The following KNOP1 variants were observed in gnomAD, a reference collection of about 807,000 sequenced individuals.
KNOP1 encodes the protein lysine rich nucleolar protein 1, also known as lysine-rich nucleolar protein 1.
A neutral mutation model predicts 30.6 loss-of-function variants in KNOP1; 20 were observed. The observed-to-expected ratio is 0.65, with a 90% CI of 0.46 to 0.95. KNOP1 has a LOEUF of 0.95. Ranked by LOEUF, KNOP1 falls within the 40% of genes least tolerant of loss-of-function variation. The pLI is 0.00. For missense variants in KNOP1, 540 were observed against 562.0 expected (o/e 0.96, Z 0.40); for synonymous variants, 204 against 210.0 (o/e 0.97, Z 0.25).
At position 19,718,170 on chromosome 16, in the gene KNOP1, T is replaced by A; in HGVS notation, c.-15A>T. On this transcript the variant is annotated 5_prime_UTR_variant, in exon 1 of 5. Transcript: ENST00000219837. Reference sequence around the variant, plus strand: ...CCCTGGCACTCACCGGTGGGCGAAATTTCCCCGCCTCCACGTGAGAGCCAG... The same window carrying A: ...CCCTGGCACTCACCGGTGGGCGAAAATTCCCCGCCTCCACGTGAGAGCCAG... 6.8e-7 allele frequency: 1 copy of A among 1,478,290 alleles called. No homozygotes were observed. Among genetic ancestry groups the A allele is most frequent in the Non-Finnish European group, 8.9e-7 (1 of 1,119,134 alleles). 91.6% of individuals were successfully genotyped at this position (1,478,290 alleles called of 1,614,324 possible).
At position 19,710,510 on chromosome 16, in the gene KNOP1, G is replaced by A. The variant is rs757928834; in HGVS notation, c.1064C>T (p.Thr355Met). The change falls in exon 4 of 5, where the codon ACG (threonine) becomes ATG (methionine). Residue 355 changes from threonine to methionine, a missense_variant and splice_region_variant. Coordinates refer to ENST00000219837, the MANE Select transcript of KNOP1 (RefSeq NM_001012991.3). ...KTEASETRKW[T>M]GTQFGQWDTA... is the part of the protein sequence containing the mutation. ...GCAGAGCCCTAGCCCCAAACTTACC[G>A]TCCACTTCCTGGTTTCAGAAGCTTC... 2.2e-5 allele frequency: 36 copies of A among 1,612,944 alleles called. No homozygotes were observed. Among genetic ancestry groups the A allele is most frequent in the Admixed American group, 5.0e-5 (3 of 60,000 alleles).
rs769245565 is a variant in KNOP1, at chr16:19,714,328, C to T, written c.708G>A (p.Glu236=). The part of the protein sequence containing the change: ...PGHSKPSRSM[E]SSPRKGSKKK... ...TTTTACTTCCTTTCCTAGGGCTGCT[C>T]TCCATGGACCTGGAGGGCTTGGAGT... Residue 236 remains glutamate, a synonymous_variant, in exon 2 of 5, where the codon GAG becomes GAA. Coordinates refer to ENST00000219837, the MANE Select transcript of KNOP1 (RefSeq NM_001012991.3). 1.1e-5 allele frequency: 17 copies of T among 1,613,922 alleles called. No individual in the cohort carries two copies. The highest frequency in any genetic ancestry group is 1.4e-5 in the Non-Finnish European group (16 of 1,179,990).
At chr16:19,712,434 T>C (rs181954341) in intron 2 of KNOP1, among the ~76,000 whole-genome samples, 11 of 152,242 alleles carry the variant, frequency 7.2e-5, no homozygotes, top group Admixed American at 6.5e-4. Flanking sequence ...AATGGAAAGA[T>C]GGTCATTTCT....
rs753427817 is a variant in KNOP1 at position 19,714,159 on chromosome 16, T to A, written c.877A>T (p.Lys293Ter). Reference sequence around the variant, plus strand: ...CCTGCTACCCCACTCTCTTTCCTCTTCTTCTTTTTCTTCCTTTTCAGAGCT... The same window carrying A: ...CCTGCTACCCCACTCTCTTTCCTCTACTTCTTTTTCTTCCTTTTCAGAGCT... Reference protein sequence around the residue: ...EPALKRKKKKKRKESGVAGDP... With the variant: ...EPALKRKKKK The change falls in exon 2 of 5, where the codon AAG becomes TAG. Residue 293 changes from lysine to a stop codon, truncating the protein, a stop_gained. Transcript: ENST00000219837. LOFTEE classifies it high-confidence loss of function. 1.2e-6 allele frequency: 2 copies of A among 1,613,198 alleles called. No individual in the cohort carries two copies. Among genetic ancestry groups the A allele is most frequent in the African/African-American group, 2.7e-5 (2 of 74,694 alleles).
intron 1 of KNOP1, chr16:19,717,333 AAAG>A (rs1390523450): frequency 4.1e-6 from 4 of 985,390 alleles, no homozygotes; most frequent in Admixed American, 6.2e-5. Flanking sequence ...AGGAGCTTGC[AAAG>A]AAGAAGGTGC....
chr16:19,710,466 C>T (rs1432755547), intron 4 of KNOP1, 43 bp downstream of exon 4: 1 of 1,598,946 alleles, frequency 6.3e-7, no homozygotes, highest in Admixed American at 1.7e-5. Context: ...CGTCGGGAGG[C>T]CGAGCGTGCC....
Position 19,718,171 on chromosome 16 carries a change from T to C in KNOP1, c.-16A>G. 1.4e-6 allele frequency: 2 copies of C among 1,478,952 alleles called. No individual in the cohort carries two copies. The highest frequency in any genetic ancestry group is 2.7e-5 in the South Asian group (2 of 73,700). 91.6% of individuals were successfully genotyped at this position (1,478,952 alleles called of 1,614,324 possible). A position where few individuals can be genotyped will look rare whatever the true frequency, so the allele number is the denominator to read the frequency against. On this transcript the variant is annotated 5_prime_UTR_variant, in exon 1 of 5. Coordinates refer to ENST00000219837, the MANE Select transcript of KNOP1 (RefSeq NM_001012991.3). Reference sequence around the variant, plus strand: ...CCTGGCACTCACCGGTGGGCGAAATTTCCCCGCCTCCACGTGAGAGCCAGC... The same window carrying C: ...CCTGGCACTCACCGGTGGGCGAAATCTCCCCGCCTCCACGTGAGAGCCAGC...
At chr16:19,709,636 C>G (rs1976603754) in intron 4 of KNOP1, among the ~76,000 whole-genome samples, 1 of 152,182 alleles carries the variant, frequency 6.6e-6, no homozygotes, top group South Asian at 2.1e-4. Flanking sequence ...CCCTACAGAT[C>G]ACTCCAGGCC....
chr16:19,714,120 C>G lies in KNOP1; in HGVS notation c.916G>C (p.Glu306Gln). The stretch of plus-strand genomic sequence containing the variant: ...TCCATTTCTGAAGGAAAAACTACCT[C>G]CTTCCAAGGGTCTCCTGCTACCCCA... ...ESGVAGDPWK[E>Q]ETDTDLEVVL... Residue 306 changes from glutamate (E) to glutamine (Q), a missense_variant and splice_region_variant, in exon 2 of 5, where the codon GAG (glutamate) becomes CAG (glutamine). Physicochemically the swap from Glu to Gln is conservative, Grantham distance 29. Transcript: ENST00000219837. 6.2e-7 allele frequency: 1 copy of G among 1,604,562 alleles called. No homozygotes were observed. The highest frequency in any genetic ancestry group is 8.5e-7 in the Non-Finnish European group (1 of 1,177,454).
At chr16:19,717,006 C>G (rs1486743279) in intron 1 of KNOP1, among the ~76,000 whole-genome samples, 1 of 152,132 alleles carries the variant, frequency 6.6e-6, no homozygotes, top group Non-Finnish European at 1.5e-5. Context: ...CCACGCCCGG[C>G]TAATTTTTGT....
rs2151637009 is a variant in KNOP1, at chr16:19,702,473, C to G, written c.*4437G>C. On this transcript the variant is annotated 3_prime_UTR_variant, in exon 5 of 5. Coordinates refer to ENST00000219837, the MANE Select transcript of KNOP1 (RefSeq NM_001012991.3). ...TTACCGCTCTCACATTACACCTGAA[C>G]TTGGACTTTCACATGAGGTCGGGCA... 1 of 152,348 alleles carries G rather than the reference C, an allele frequency of 6.6e-6. No homozygotes were observed. Among genetic ancestry groups the G allele is most frequent in the South Asian group, 2.1e-4 (1 of 4,830 alleles). The allele number at this position is 152,348 out of a possible 1,614,324, so 9.4% of individuals were successfully genotyped here. A position where few individuals can be genotyped will look rare whatever the true frequency, so the allele number is the denominator to read the frequency against.
intron 1 of KNOP1, among the ~76,000 whole-genome samples, chr16:19,716,220 T>A (rs1482163889): frequency 6.6e-6 from 1 of 152,218 alleles, no homozygotes; most frequent in South Asian, 2.1e-4. Flanking sequence ...GCCTGGCACA[T>A]AGCAGGTGCT....
intron 1 of KNOP1, chr16:19,715,325 C>A: frequency 3.1e-6 from 1 of 318,266 alleles, no homozygotes; most frequent in South Asian, 1.1e-4. Flanking sequence ...AATATAACAC[C>A]TCCCTCCTCA....
At chr16:19,708,258 G>A (rs1402524761) in intron 4 of KNOP1, among the ~76,000 whole-genome samples, 2 of 151,920 alleles carry the variant, frequency 1.3e-5, no homozygotes, top group Non-Finnish European at 2.9e-5. Flanking sequence ...AGAACTCGGG[G>A]GTCCCCATTC....
Position 19,704,777 on chromosome 16 carries a change from G to A in KNOP1, c.*2133C>T, listed in dbSNP as rs917904851. ...ATTATGTATCTCAAGGTTGAATCCA[G>A]GAAAGAAAGGCAGGACAAGTTCACG... On this transcript the variant is annotated 3_prime_UTR_variant, in exon 5 of 5. Coordinates refer to ENST00000219837, the MANE Select transcript of KNOP1 (RefSeq NM_001012991.3). The A allele has an allele frequency of 3.0e-5, 5 of 169,274 alleles. No homozygotes were observed. The highest frequency in any genetic ancestry group is 5.0e-5 in the Non-Finnish European group (4 of 79,234). 10.5% of individuals were successfully genotyped at this position (169,274 alleles called of 1,614,324 possible). A position where few individuals can be genotyped will look rare whatever the true frequency, so the allele number is the denominator to read the frequency against.
At chr16:19,709,267 T>C (rs1033999814) in intron 4 of KNOP1, among the ~76,000 whole-genome samples, 1 of 152,150 alleles carries the variant, frequency 6.6e-6, no homozygotes, top group Non-Finnish European at 1.5e-5. Context: ...GATCTTTTGA[T>C]CCGAATCGAC....
In KNOP1 at chr16:19,718,190, A is replaced by G; in HGVS notation, c.-35T>C. The G allele has an allele frequency of 6.7e-7, 1 of 1,501,164 alleles. No homozygotes were observed. Among genetic ancestry groups the G allele is most frequent in the South Asian group, 1.3e-5 (1 of 76,960 alleles). 93.0% of individuals were successfully genotyped at this position (1,501,164 alleles called of 1,614,324 possible). ...CGAAATTTCCCCGCCTCCACGTGAGAGCCAGCTCCGCCGTGACCCGGAAGT... is the reference window on the plus strand; with the variant it reads ...CGAAATTTCCCCGCCTCCACGTGAGGGCCAGCTCCGCCGTGACCCGGAAGT... On this transcript the variant is annotated 5_prime_UTR_variant, in exon 1 of 5. Coordinates refer to ENST00000219837, the MANE Select transcript of KNOP1 (RefSeq NM_001012991.3).
intron 1 of KNOP1, 54 bp from the exon 2 acceptor site, chr16:19,715,091 T>G: frequency 7.6e-7 from 1 of 1,324,054 alleles, no homozygotes; most frequent in Non-Finnish European, 1.0e-6. Context: ...TGTGTTCAAT[T>G]CTACTAAGCA....
intron 1 of KNOP1, chr16:19,715,423 T>C (rs1398138674): frequency 1.3e-5 from 2 of 152,264 alleles, no homozygotes; most frequent in East Asian, 3.8e-4. Context: ...CTTTTTTTTT[T>C]TTTTTTTTTG....
Sources: gnomAD v4.1 joint callset for allele counts (sites outside exome capture counted in the v4.1 genomes callset) on GRCh38, gnomAD v4.1.1 for gene constraint, MANE v1.5 for transcripts, NCBI Gene and HGNC (gene_info 2026-07-23, HGNC 2026-07-21) for gene names.